The following TMIGD3 variants were observed in gnomAD, a reference collection of about 807,000 sequenced individuals.
TMIGD3 encodes the protein AD026 protein (AD026).
Under a neutral mutation model 28.1 loss-of-function variants are expected in TMIGD3, and 21 were observed. The observed-to-expected ratio is 0.75, with a 90% CI of 0.53 to 1.08. TMIGD3 has a LOEUF of 1.08. TMIGD3 is among the 50% of genes least tolerant of loss of function. TMIGD3 has a pLI of 0.00. For missense variants in TMIGD3, 416 were observed against 435.6 expected, an observed-to-expected ratio of 0.96 and a Z score of 0.40; for synonymous variants, 151 against 162.1, an observed-to-expected ratio of 0.93 and a Z score of 0.52.
intron 1 of TMIGD3, among the ~76,000 whole-genome samples, chr1:111,512,720 A>T (rs1655731415): frequency 6.6e-6 from 1 of 152,158 alleles, no homozygotes; most frequent in African/African-American, 2.4e-5. Context: ...TGCTTGGTAG[A>T]GGTTGAATTA....
Position 111,488,973 on chromosome 1 carries a change from G to A in TMIGD3, c.509C>T (p.Ala170Val), listed in dbSNP as rs1321763966. Residue 170 changes from alanine to valine, a missense_variant, in exon 3 of 6, where the codon GCT becomes GTT. Transcript: ENST00000369716. Reference protein sequence around the residue: ...KVKRSFVLDTASAICNYNAHY... With the variant: ...KVKRSFVLDTVSAICNYNAHY... ...GGCATTGTAGTTGCAGATGGCAGAA[G>A]CCGTGTCCAGCACAAAGCTTCTCTT... 5.0e-6 allele frequency: 8 copies of A among 1,614,154 alleles called. No homozygotes were observed. In the South Asian group the frequency reaches 8.8e-5, roughly 18 times the overall value.
intron 5 of TMIGD3, 70 bp from the exon 6 acceptor site, chr1:111,483,827 G>A (rs17027794): frequency 0.13 from 165,613 of 1,305,886 alleles, 11,382 homozygotes; most frequent in South Asian, 0.14. Context: ...TGTTTCTGCA[G>A]CAAAAGTTCC....
intron 1 of TMIGD3, among the ~76,000 whole-genome samples, chr1:111,509,980 C>T (rs1055003258): frequency 3.9e-5 from 6 of 152,270 alleles, no homozygotes; most frequent in Non-Finnish European, 7.3e-5. Flanking sequence ...CTGGCTCTTT[C>T]AATGAGCCAC....
At chr1:111,496,354 C>A (rs2100970818) in intron 1 of TMIGD3, among the ~76,000 whole-genome samples, 1 of 152,286 alleles carries the variant, frequency 6.6e-6, no homozygotes, top group Admixed American at 6.5e-5. Context: ...CCCAAGCCAA[C>A]AGCCTCCAAT....
chr1:111,512,319 C>T (rs573146671), intron 1 of TMIGD3, among the ~76,000 whole-genome samples: 5 of 152,364 alleles, frequency 3.3e-5, no homozygotes, highest in East Asian at 1.9e-4. Context: ...CAGCATGGCA[C>T]GCACTCTAGT....
chr1:111,557,491 A>C (rs1278457484), intron 1 of TMIGD3, among the ~76,000 whole-genome samples: 1 of 151,714 alleles, frequency 6.6e-6, no homozygotes, highest in East Asian at 1.9e-4. Context: ...AGGAGGTTGC[A>C]GTGAGCCGAG....
At chr1:111,557,945 T>C (rs1657570088) in intron 1 of TMIGD3, among the ~76,000 whole-genome samples, 2 of 152,146 alleles carry the variant, frequency 1.3e-5, no homozygotes, top group Admixed American at 6.5e-5. Context: ...ATTATGCATG[T>C]TAAGATTTCT....
Position 111,503,491 on chromosome 1 carries a change from A to T in TMIGD3, c.-137T>A. ...ACAGTCTAAAATTCCCAACTTGCTC[A>T]TTCCTACCCTTTTCTGGTGGGGTGA... On this transcript the variant is annotated 5_prime_UTR_variant, in exon 1 of 6. It removes an upstream start codon present in the reference 5' UTR. Coordinates refer to ENST00000369716, the MANE Select transcript of TMIGD3 (RefSeq NM_020683.7). 2 of 1,448,318 alleles carry T rather than the reference A, an allele frequency of 1.4e-6. No homozygotes were observed. The highest frequency in any genetic ancestry group is 1.8e-6 in the Non-Finnish European group (2 of 1,101,040). 89.7% of individuals were successfully genotyped at this position (1,448,318 alleles called of 1,614,324 possible).
intron 1 of TMIGD3, among the ~76,000 whole-genome samples, chr1:111,537,703 G>T (rs1016578217): frequency 6.6e-6 from 1 of 152,140 alleles, no homozygotes; most frequent in African/African-American, 2.4e-5. Context: ...AGAAAGTCTG[G>T]ATTCACTCCA....
chr1:111,499,158 A>G (rs1300630983), intron 1 of TMIGD3, among the ~76,000 whole-genome samples: 2 of 152,066 alleles, frequency 1.3e-5, no homozygotes, highest in Non-Finnish European at 2.9e-5. Context: ...ATAGCTATCC[A>G]TTGTCTCTTT....
chr1:111,513,172 G>T (rs1056496608), intron 1 of TMIGD3, among the ~76,000 whole-genome samples: 1 of 152,204 alleles, frequency 6.6e-6, no homozygotes, highest in African/African-American at 2.4e-5. Flanking sequence ...TCAAGAACTA[G>T]AGTATTCAGA....
At chr1:111,500,472 G>A in intron 1 of TMIGD3, 7 of 1,614,142 alleles carry the variant, frequency 4.3e-6, no homozygotes, top group Non-Finnish European at 5.9e-6. Flanking sequence ...AGCCAAACAT[G>A]GGGGTCAATC....
At chr1:111,489,764 C>T in intron 2 of TMIGD3, 1 of 1,017,562 alleles carries the variant, frequency 9.8e-7, no homozygotes, top group Non-Finnish European at 1.2e-6. Context: ...GGGCTGAAAA[C>T]AGAGGAAGTC....
intron 1 of TMIGD3, among the ~76,000 whole-genome samples, chr1:111,553,052 T>G (rs927488555): frequency 1.3e-5 from 2 of 152,250 alleles, no homozygotes; most frequent in African/African-American, 2.4e-5. Flanking sequence ...AAACACTTCA[T>G]ATTCAGATTG....
chr1:111,499,640 G>A, intron 1 of TMIGD3: 1 of 1,139,810 alleles, frequency 8.8e-7, no homozygotes, highest in Non-Finnish European at 1.1e-6. Context: ...AAGTCAACTA[G>A]GCACCCTTCA....
At chr1:111,491,217 G>C (rs879868351) in intron 1 of TMIGD3, among the ~76,000 whole-genome samples, 1 of 152,218 alleles carries the variant, frequency 6.6e-6, no homozygotes, top group Non-Finnish European at 1.5e-5. Flanking sequence ...TGGGGAGTAC[G>C]GCCACGGGTG....
In TMIGD3 at chr1:111,488,465, C is replaced by T. The variant is rs976350701; in HGVS notation, c.805+212G>A. ...GAGAAGTTCTAAAAGTGCCCCAGGG[C>T]GCAGACACCCTCCTTGTCCCCAACT... On this transcript the variant is annotated intron_variant, in intron 3 of 5. Transcript: ENST00000369716. 2.4e-4 allele frequency among the ~76,000 whole-genome samples: 36 copies of T among 152,224 alleles called. 1 individual carries two copies. Among genetic ancestry groups the T allele is most frequent in the Non-Finnish European group, 4.4e-5 (3 of 68,038 alleles).
intron 1 of TMIGD3, chr1:111,500,289 G>A (rs763516636): frequency 5.6e-6 from 9 of 1,614,126 alleles, no homozygotes; most frequent in Non-Finnish European, 6.8e-6. Context: ...GACTGAGTTT[G>A]TTCCGAATGA....
At chr1:111,507,703 C>A (rs1460607809), upstream of TMIGD3, among the ~76,000 whole-genome samples, 2 of 152,246 alleles carry the variant, frequency 1.3e-5, no homozygotes, top group African/African-American at 4.8e-5. Flanking sequence ...CTGTCTCCCA[C>A]CCCACGGCTG....
Sources: allele counts gnomAD v4.1 joint callset (sites outside exome capture counted in the v4.1 genomes callset), GRCh38; gene constraint gnomAD v4.1.1; transcripts MANE v1.5; gene names NCBI Gene and HGNC (gene_info 2026-07-23, HGNC 2026-07-21).